Variants in INPP5D observed in about 807,000 individuals in gnomAD.
The protein encoded by INPP5D is inositol polyphosphate-5-phosphatase D.
INPP5D carries 33 observed loss-of-function variants against 122.9 expected under a neutral mutation model. That is an observed-to-expected ratio of 0.27 (90% CI 0.20 to 0.36). The LOEUF (loss-of-function observed/expected upper bound fraction) is 0.36. INPP5D is among the 10% of genes least tolerant of loss of function. The pLI is 1.00. For synonymous variants in INPP5D, 584 were observed against 576.2 expected, an observed-to-expected ratio of 1.01 and a Z score of -0.19; for missense variants, 1,053 against 1,412.7, an observed-to-expected ratio of 0.75 and a Z score of 4.08.
chr2:233,168,225 A>G (rs1345318824), intron 13 of INPP5D, among the ~76,000 whole-genome samples: 1 of 152,234 alleles, frequency 6.6e-6, no homozygotes, highest in Non-Finnish European at 1.5e-5. Flanking sequence ...AATTATTTCA[A>G]TAGATATTTA....
intron 13 of INPP5D, among the ~76,000 whole-genome samples, chr2:233,166,473 C>CT (rs2106298484): frequency 6.6e-6 from 1 of 152,278 alleles, no homozygotes; most frequent in South Asian, 2.1e-4. Context: ...AGGTCAGGGG[C>CT]CTCCCTGAGA....
At chr2:233,168,027 A>G (rs976833019) in intron 13 of INPP5D, among the ~76,000 whole-genome samples, 1 of 100,940 alleles carries the variant, frequency 9.9e-6, no homozygotes, top group Non-Finnish European at 2.5e-5. Context: ...AAAAAAAAAG[A>G]AAGAAAGGAA....
chr2:233,165,815 T>C (rs1170671247), intron 13 of INPP5D, among the ~76,000 whole-genome samples: 1 of 151,634 alleles, frequency 6.6e-6, no homozygotes, highest in Non-Finnish European at 1.5e-5. Flanking sequence ...GGTGTCCGAG[T>C]GCATGTGCAT....
chr2:233,165,422 G>C (rs1394999768), intron 13 of INPP5D, among the ~76,000 whole-genome samples: 2 of 151,726 alleles, frequency 1.3e-5, no homozygotes, highest in African/African-American at 4.8e-5. Flanking sequence ...ATGTGAGTCC[G>C]TGTGTGAGTG....
intron 17 of INPP5D, among the ~76,000 whole-genome samples, chr2:233,175,630 G>GT (rs979912625): frequency 1.1e-4 from 17 of 151,654 alleles, no homozygotes; most frequent in Admixed American, 7.9e-4. Flanking sequence ...TGTACCTAAA[G>GT]TTTTTTTTAA....
chr2:233,178,618 G>A (rs1176378969), intron 18 of INPP5D, among the ~76,000 whole-genome samples: 1 of 152,052 alleles, frequency 6.6e-6, no homozygotes, highest in African/African-American at 2.4e-5. Flanking sequence ...GAGTAGCTGG[G>A]ATATCAGGCA....
At chr2:233,192,257 T>A (rs1695076548) in intron 22 of INPP5D, among the ~76,000 whole-genome samples, 1 of 152,206 alleles carries the variant, frequency 6.6e-6, no homozygotes, top group African/African-American at 2.4e-5. Flanking sequence ...CATTTTCTCA[T>A]TCAAATCCTG....
At chr2:233,093,085 T>C (rs1272520322) in intron 2 of INPP5D, among the ~76,000 whole-genome samples, 1 of 152,250 alleles carries the variant, frequency 6.6e-6, no homozygotes, top group East Asian at 1.9e-4. Flanking sequence ...CTGAGGGCTT[T>C]GTGAAGTCAG....
chr2:233,117,737 G>T (rs967990820), intron 2 of INPP5D, among the ~76,000 whole-genome samples: 8 of 152,194 alleles, frequency 5.3e-5, no homozygotes, highest in African/African-American at 1.9e-4. Flanking sequence ...TCGTGCACAT[G>T]AAAAACGCAC....
chr2:233,165,744 G>A (rs143889180), intron 13 of INPP5D, among the ~76,000 whole-genome samples: 31 of 148,444 alleles, frequency 2.1e-4, no homozygotes, highest in African/African-American at 7.4e-4. Context: ...GTGAGTATCT[G>A]TGAGTCCATG....
rs1056947529 is a variant in INPP5D, at chr2:233,198,197, C to T, written c.2796C>T (p.Thr932=). ...GPPMPLHVKQ[T]LSPDQQPTAW... ...CAATGCCCCTGCACGTGAAGCAGAC[C>T]TTGTCCCCTGACCAGCAGCCCACAG... The change falls in exon 25 of 27, where the codon ACC becomes ACT. Residue 932 remains threonine (T), a synonymous_variant. Transcript: ENST00000445964. 2.5e-6 allele frequency: 4 copies of T among 1,613,566 alleles called. No individual in the cohort carries two copies. The African/African-American group carries it at 4.0e-5, about 16-fold the overall frequency.
intron 2 of INPP5D, among the ~76,000 whole-genome samples, chr2:233,109,788 A>G (rs923299795): frequency 1.4e-5 from 2 of 145,898 alleles, no homozygotes; most frequent in African/African-American, 5.1e-5. Context: ...GGGTTTCACC[A>G]TGTTGGCCAG....
At chr2:233,063,184 A>T (rs770011331) in intron 1 of INPP5D, among the ~76,000 whole-genome samples, 1 of 152,146 alleles carries the variant, frequency 6.6e-6, no homozygotes, top group Non-Finnish European at 1.5e-5. Context: ...TTGCCCCCCT[A>T]GCCCTGGAAG....
At chr2:233,071,950 A>G (rs1011731773) in intron 1 of INPP5D, among the ~76,000 whole-genome samples, 1 of 152,204 alleles carries the variant, frequency 6.6e-6, no homozygotes. Flanking sequence ...TCATCTACAA[A>G]TTACCATTGT....
intron 2 of INPP5D, among the ~76,000 whole-genome samples, chr2:233,085,914 T>C (rs1399663302): frequency 1.3e-5 from 2 of 152,186 alleles, no homozygotes; most frequent in African/African-American, 4.8e-5. Flanking sequence ...AGCCTTCTGG[T>C]TCACCTTGCC....
Position 233,193,930 on chromosome 2 carries a change from C to T in INPP5D, c.2565C>T (p.Thr855=), listed in dbSNP as rs764812684. Residue 855 remains threonine, a synonymous_variant, in exon 23 of 27, where the codon ACC becomes ACT. Coordinates refer to ENST00000445964, the MANE Select transcript of INPP5D (RefSeq NM_001017915.3). The part of the protein sequence containing the change: ...GHFQGEIKLQ[T]SQGKTREKLY... ...TCCAGGGGGAGATCAAGCTGCAGAC[C>T]TCTCAGGGCAAGACGAGGGAGAAGC... 1.2e-6 allele frequency: 2 copies of T among 1,612,298 alleles called. No individual in the cohort carries two copies. Among genetic ancestry groups the T allele is most frequent in the Non-Finnish European group, 1.7e-6 (2 of 1,178,604 alleles).
intron 17 of INPP5D, among the ~76,000 whole-genome samples, chr2:233,175,527 C>T (rs1039971644): frequency 1.3e-5 from 2 of 152,110 alleles, no homozygotes; most frequent in Admixed American, 6.6e-5. Flanking sequence ...TGGCGGTTTT[C>T]TGTATCTTGC....
chr2:233,157,941 A>C (rs1694098273), intron 9 of INPP5D, among the ~76,000 whole-genome samples: 1 of 152,170 alleles, frequency 6.6e-6, no homozygotes, highest in Admixed American at 6.6e-5. Flanking sequence ...ATTTAGATAT[A>C]AATTAAAAAC....
At chr2:233,187,022 A>AT (rs977948767) in intron 21 of INPP5D, among the ~76,000 whole-genome samples, 13 of 150,122 alleles carry the variant, frequency 8.7e-5, no homozygotes, top group Non-Finnish European at 1.3e-4. Context: ...AGCCTAAAAC[A>AT]TTTTTTTTTA....
Sources: gnomAD v4.1 joint callset for allele counts (sites outside exome capture counted in the v4.1 genomes callset) on GRCh38, gnomAD v4.1.1 for gene constraint, MANE v1.5 for transcripts, NCBI Gene and HGNC (gene_info 2026-07-23, HGNC 2026-07-21) for gene names.